ZFHX3: variants seen among roughly 807,000 people sequenced by gnomAD.
ZFHX3 encodes the protein zinc finger homeobox 3, also known as zinc finger homeobox protein 3.
In ZFHX3, 42 loss-of-function variants were observed where a neutral mutation model predicts 279.1. That is an observed-to-expected ratio of 0.15 (90% CI 0.12 to 0.19). The LOEUF is 0.19. ZFHX3 is among the 10% of genes least tolerant of loss of function. ZFHX3 has a pLI of 1.00. For missense variants in ZFHX3, 4,981 were observed against 4,754.0 expected (o/e 1.05, Z -1.40); for synonymous variants, 2,293 against 1,957.8 (o/e 1.17, Z -4.52).
chr16:73,695,932 A>AG (rs2053193870), intron 1 of ZFHX3, among the ~76,000 whole-genome samples: 1 of 152,222 alleles, frequency 6.6e-6, no homozygotes. Context: ...GCAACAAAGG[A>AG]GAGGGGGTAA....
At chr16:73,330,586 T>A (rs1274997965) in intron 3 of ZFHX3, among the ~76,000 whole-genome samples, 1 of 152,132 alleles carries the variant, frequency 6.6e-6, no homozygotes, top group Non-Finnish European at 1.5e-5. Flanking sequence ...ATGGCCTGGC[T>A]GAACTTTGAA....
At chr16:73,622,628 A>G (rs2052374641) in intron 2 of ZFHX3, among the ~76,000 whole-genome samples, 1 of 152,194 alleles carries the variant, frequency 6.6e-6, no homozygotes, top group African/African-American at 2.4e-5. Context: ...TTTACTTAAA[A>G]TGAGAAAATC....
intron 3 of ZFHX3, among the ~76,000 whole-genome samples, chr16:73,370,837 A>C (rs1372424853): frequency 6.6e-6 from 1 of 152,112 alleles, no homozygotes; most frequent in African/African-American, 2.4e-5. Flanking sequence ...TCTGTCCTTC[A>C]CTTTCTCTTT....
chr16:72,876,611 T>C (rs1412812119), intron 4 of ZFHX3, among the ~76,000 whole-genome samples: 1 of 152,190 alleles, frequency 6.6e-6, no homozygotes, highest in Non-Finnish European at 1.5e-5. Context: ...AAAGTTATGA[T>C]ATACTTTAAT....
intron 1 of ZFHX3, among the ~76,000 whole-genome samples, chr16:73,782,041 G>A (rs761813789): frequency 2.6e-5 from 4 of 152,182 alleles, no homozygotes; most frequent in Admixed American, 6.5e-5. Flanking sequence ...GTTGAGAAAA[G>A]TTCAGACTAA....
In ZFHX3 at chr16:73,495,002, C is replaced by A. The variant is rs115320024; in HGVS notation, c.-1546-38744G>T. 9.4e-3 allele frequency among the ~76,000 whole-genome samples: 1,433 copies of A among 152,224 alleles called. 22 individuals carry two copies. Among genetic ancestry groups the A allele is most frequent in the African/African-American group, 0.031 (1,294 of 41,522 alleles). On this transcript the variant is annotated intron_variant, in intron 2 of 17. Transcript: ENST00000641206. The stretch of plus-strand genomic sequence containing the variant: ...CGCCTTGTTTCTCTTTTGTATCAAT[C>A]GTTTCTGCATTTGCCCTGGCAGGGG...
Position 73,887,367 on chromosome 16 carries a change from T to G in ZFHX3, c.-1608+4284A>C, listed in dbSNP as rs73607339. Among the ~76,000 whole-genome samples the G allele has an allele frequency of 4.2e-3, 640 of 152,288 alleles. 3 individuals are homozygous for G. The highest frequency in any genetic ancestry group is 0.015 in the African/African-American group (606 of 41,554). ...TGGCCTGTGCTCCAAAGAAAAAGGT[T>G]TATAAATATTTGCAAAACAAACTCT... On this transcript the variant is annotated intron_variant, in intron 1 of 17. Coordinates refer to the ZFHX3 transcript ENST00000641206.
At position 73,116,241 on chromosome 16, in the gene ZFHX3, G is replaced by A. The variant is rs189961796; in HGVS notation, c.-897+14727C>T. On this transcript the variant is annotated intron_variant, in intron 7 of 17. Transcript: ENST00000641206. ...CAAGAGTCTCCCAGATGAAATCCAC[G>A]TACTCCAGAGCCGGGTTGAGTGGGT... is the stretch of plus-strand genomic sequence containing the variant. Among the ~76,000 whole-genome samples, 364 of 152,142 alleles carry A rather than the reference G, an allele frequency of 2.4e-3. 1 individual carries two copies. The highest frequency in any genetic ancestry group is 4.0e-3 in the Non-Finnish European group (274 of 68,004).
At chr16:73,725,495 A>G (rs1357964732) in intron 1 of ZFHX3, among the ~76,000 whole-genome samples, 1 of 151,848 alleles carries the variant, frequency 6.6e-6, no homozygotes, top group Non-Finnish European at 1.5e-5. Context: ...CCAAAGAGAC[A>G]GGGGTCTTAT....
chr16:73,571,037 G>C (rs538626699), intron 2 of ZFHX3, among the ~76,000 whole-genome samples: 1 of 149,954 alleles, frequency 6.7e-6, no homozygotes, highest in East Asian at 1.9e-4. Context: ...TAGACATATA[G>C]CTTTTCTATA....
intron 3 of ZFHX3, among the ~76,000 whole-genome samples, chr16:73,346,909 C>G (rs2016134536): frequency 6.6e-6 from 1 of 152,146 alleles, no homozygotes; most frequent in African/African-American, 2.4e-5. Context: ...TGTAATTATC[C>G]TTATTATTTC....
In ZFHX3 at chr16:72,787,858, C is replaced by G. The variant is rs200831238; in HGVS notation, c.10418G>C (p.Gly3473Ala). 1 of 1,614,002 alleles carries G rather than the reference C, an allele frequency of 6.2e-7. No homozygotes were observed. Among genetic ancestry groups the G allele is most frequent in the South Asian group, 1.1e-5 (1 of 91,080 alleles). Residue 3473 changes from glycine to alanine, a missense_variant, in exon 10 of 10, where the codon GGC (glycine) becomes GCC (alanine). Coordinates refer to ENST00000268489, the MANE Select transcript of ZFHX3 (RefSeq NM_006885.4). Reference sequence around the variant, plus strand: ...CCTCGCTGCCTCCTCGTCGCTGAAGCCCGCCTGGCACTTGCGGCAGACCAA... The same window carrying G: ...CCTCGCTGCCTCCTCGTCGCTGAAGGCCGCCTGGCACTTGCGGCAGACCAA... ...YKLVCRKCQA[G>A]FSDEEAARSH...
chr16:73,334,134 C>A (rs1051086802), intron 3 of ZFHX3, among the ~76,000 whole-genome samples: 2 of 152,138 alleles, frequency 1.3e-5, no homozygotes, highest in Non-Finnish European at 2.9e-5. Context: ...CCAAAGGCAG[C>A]AGGGCCAGGA....
intron 2 of ZFHX3, among the ~76,000 whole-genome samples, chr16:73,651,247 A>G (rs1162567994): frequency 1.3e-5 from 2 of 149,338 alleles, no homozygotes; most frequent in African/African-American, 2.4e-5. Flanking sequence ...AAAAAAAAAA[A>G]GCAGGGAAAT....
At chr16:72,805,201 C>T (rs929382542) in intron 7 of ZFHX3, among the ~76,000 whole-genome samples, 2 of 151,868 alleles carry the variant, frequency 1.3e-5, no homozygotes, top group Non-Finnish European at 2.9e-5. Context: ...AGGCTGGTCT[C>T]GAACTCCTGA....
intron 1 of ZFHX3, among the ~76,000 whole-genome samples, chr16:73,835,870 AGCCTTTGACTAAATGT>A (rs1258535618): frequency 6.6e-6 from 1 of 152,162 alleles, no homozygotes; most frequent in Non-Finnish European, 1.5e-5. Flanking sequence ...CAGCCAGCCT[AGCCTTTGACTAAATGT>A]GCCGTACTCC....
intron 1 of ZFHX3, among the ~76,000 whole-genome samples, chr16:73,886,659 T>C (rs553399894): frequency 1.3e-5 from 2 of 152,166 alleles, no homozygotes; most frequent in Non-Finnish European, 2.9e-5. Flanking sequence ...ATCTAGAGAG[T>C]TTTTTCGCCT....
chr16:73,380,493 G>A (rs545743241), intron 3 of ZFHX3, among the ~76,000 whole-genome samples: 1 of 152,176 alleles, frequency 6.6e-6, no homozygotes, highest in South Asian at 2.1e-4. Flanking sequence ...CTTTTGTGTT[G>A]ATATATCTGA....
intron 2 of ZFHX3, among the ~76,000 whole-genome samples, chr16:73,471,501 C>A (rs1342777507): frequency 6.6e-6 from 1 of 152,112 alleles, no homozygotes; most frequent in Non-Finnish European, 1.5e-5. Flanking sequence ...CTCCACCTCC[C>A]AGGTTCAAGT....
Sources: gnomAD v4.1 joint callset for allele counts (sites outside exome capture counted in the v4.1 genomes callset) on GRCh38, gnomAD v4.1.1 for gene constraint, MANE v1.5 for transcripts, NCBI Gene and HGNC (gene_info 2026-07-23, HGNC 2026-07-21) for gene names.